The following NMRK1 variants were observed in gnomAD, a reference collection of about 807,000 sequenced individuals.
NMRK1 encodes the protein NRK 1.
NMRK1 carries 28 observed loss-of-function variants against 29.9 expected under a neutral mutation model. The observed-to-expected ratio is 0.94, with a 90% CI of 0.69 to 1.28. NMRK1 has a LOEUF of 1.28. Ranked by LOEUF, NMRK1 falls within the 50% of genes most tolerant of loss-of-function variation. The pLI, the probability that NMRK1 is intolerant of heterozygous loss-of-function variation, is 0.00. For synonymous variants in NMRK1, 58 were observed against 73.0 expected, an observed-to-expected ratio of 0.79 and a Z score of 1.05; for missense variants, 218 against 233.1, an observed-to-expected ratio of 0.94 and a Z score of 0.42.
chr9:75,071,813 T>C (rs1195659675), intron 4 of NMRK1, among the ~76,000 whole-genome samples: 1 of 152,138 alleles, frequency 6.6e-6, no homozygotes, highest in Non-Finnish European at 1.5e-5. Flanking sequence ...TTCCACTGGG[T>C]TCTGCTGACA....
At position 75,069,995 on chromosome 9, in the gene NMRK1, A is replaced by T; in HGVS notation, c.217T>A (p.Trp73Arg). The change falls in exon 5 of 9, where the codon TGG becomes AGG. Residue 73 changes from tryptophan to arginine, a missense_variant. Transcript: ENST00000361092. Reference sequence around the variant, plus strand: ...ACAGAGTGTCTTGCGCTTTCCATCCAGCAGGAAATGGCTGACATCATTTTT... The same window carrying T: ...ACAGAGTGTCTTGCGCTTTCCATCCTGCAGGAAATGGCTGACATCATTTTT... ...MEKMMSAISC[W>R]MESARHSVVS... 6.2e-7 allele frequency: 1 copy of T among 1,613,742 alleles called. No homozygotes were observed. Among genetic ancestry groups the T allele is most frequent in the Non-Finnish European group, 8.5e-7 (1 of 1,179,854 alleles).
At chr9:75,080,878 A>G (rs1201160778) in intron 2 of NMRK1, among the ~76,000 whole-genome samples, 2 of 152,102 alleles carry the variant, frequency 1.3e-5, no homozygotes, top group African/African-American at 2.4e-5. Context: ...ATCTTCCACC[A>G]TGACTGTAAG....
chr9:75,086,929 C>CA lies in NMRK1; in HGVS notation c.-36+1078dup, dbSNP rs1386648797. Among the ~76,000 whole-genome samples, 15 of 127,204 alleles carry CA rather than the reference C, an allele frequency of 1.2e-4. No individual in the cohort carries two copies. In the Admixed American group the frequency reaches 1.2e-3, roughly 10 times the overall value. The allele number at this position is 127,204 out of a possible 152,430, so 83.5% of individuals were successfully genotyped here. A position where few individuals can be genotyped will look rare whatever the true frequency, so the allele number is the denominator to read the frequency against. The stretch of plus-strand genomic sequence containing the variant: ...CTGGGTTTTTTTTTTTTTTTTAAGA[C>CA]AGAGTCTCGCTCTGTTGCCAGGCTG... On this transcript the variant is annotated intron_variant, in intron 1 of 8. Coordinates refer to ENST00000361092, the MANE Select transcript of NMRK1 (RefSeq NM_017881.3).
chr9:75,069,107 C>G lies in NMRK1; in HGVS notation c.390-5G>C, dbSNP rs1460529017. Reference sequence around the variant, plus strand: ...GGAGGCTGATAGACCCTTGTACTATCAAAACACGTAGGAAACTTTATGTTG... The same window carrying G: ...GGAGGCTGATAGACCCTTGTACTATGAAAACACGTAGGAAACTTTATGTTG... On this transcript the variant is annotated splice_region_variant and splice_polypyrimidine_tract_variant and intron_variant, in intron 6 of 8. Coordinates refer to ENST00000361092, the MANE Select transcript of NMRK1 (RefSeq NM_017881.3). 1.9e-6 allele frequency: 3 copies of G among 1,594,314 alleles called. No individual in the cohort carries two copies. Among genetic ancestry groups the G allele is most frequent in the Non-Finnish European group, 2.6e-6 (3 of 1,163,558 alleles).
chr9:75,083,309 C>T, intron 1 of NMRK1, among the ~76,000 whole-genome samples, 159 bp from the exon 2 acceptor site: 1 of 152,212 alleles, frequency 6.6e-6, no homozygotes, highest in Non-Finnish European at 1.5e-5. Flanking sequence ...CACTGGCTTC[C>T]CCTGCTACCA....
rs776472890 is a variant in NMRK1 at position 75,060,861 on chromosome 9, ACACACACAC to A, written c.*678_*686del. 1.1e-4 allele frequency: 5 copies of A among 45,392 alleles called. No individual in the cohort carries two copies. In the East Asian group the frequency reaches 5.2e-3, roughly 47 times the overall value. 2.8% of individuals were successfully genotyped at this position (45,392 alleles called of 1,614,324 possible). A position where few individuals can be genotyped will look rare whatever the true frequency, so the allele number is the denominator to read the frequency against. On this transcript the variant is annotated 3_prime_UTR_variant, in exon 9 of 9. Coordinates refer to ENST00000361092, the MANE Select transcript of NMRK1 (RefSeq NM_017881.3). ...ATACAATGGTATTAGATACACGCCAACACACACACACACACACACACACACACACACACA... is the reference window on the plus strand; with the variant it reads ...ATACAATGGTATTAGATACACGCCAAACACACACACACACACACACACACA...
At chr9:75,066,633 G>A in intron 8 of NMRK1, 124 bp downstream of exon 8, 1 of 723,120 alleles carries the variant, frequency 1.4e-6, no homozygotes, top group East Asian at 2.5e-5. Context: ...TATCCTCAAA[G>A]CAAAGAATGG....
intron 6 of NMRK1, 94 bp from the exon 7 acceptor site, chr9:75,069,196 G>T: frequency 1.2e-6 from 1 of 855,928 alleles, no homozygotes; most frequent in Non-Finnish European, 1.9e-6. Flanking sequence ...ATCACTCAGA[G>T]GCTGAATCTA....
At chr9:75,064,592 C>G (rs41390549) in intron 8 of NMRK1, among the ~76,000 whole-genome samples, 20,952 of 152,114 alleles carry the variant, frequency 0.14, 1,801 homozygotes, top group Non-Finnish European at 0.19. Context: ...TAAAATGGTC[C>G]TGAAATTCCT....
At chr9:75,078,563 T>A in intron 2 of NMRK1, 8 of 1,280,244 alleles carry the variant, frequency 6.2e-6, no homozygotes, top group Non-Finnish European at 7.9e-6. Context: ...TGAAAGCGTG[T>A]TTTAACCTGG....
chr9:75,077,089 G>T, intron 4 of NMRK1, 70 bp downstream of exon 4: 1 of 925,686 alleles, frequency 1.1e-6, no homozygotes, highest in Non-Finnish European at 1.7e-6. Context: ...CTTCAACATA[G>T]TGAAGTTCTT....
intron 4 of NMRK1, 26 bp downstream of exon 4, chr9:75,077,130 TATA>T (rs1824037401): frequency 3.8e-6 from 5 of 1,324,250 alleles, no homozygotes; most frequent in Non-Finnish European, 5.4e-6. Flanking sequence ...AACATAAGCA[TATA>T]ATATTTGACA....
chr9:75,078,093 G>C (rs1353701685), intron 2 of NMRK1, among the ~76,000 whole-genome samples: 1 of 152,100 alleles, frequency 6.6e-6, no homozygotes, highest in Non-Finnish European at 1.5e-5. Flanking sequence ...GAAGGAGAAA[G>C]GTAACTACCA....
At chr9:75,086,066 GCC>G (rs1455189923) in intron 1 of NMRK1, among the ~76,000 whole-genome samples, 1 of 151,794 alleles carries the variant, frequency 6.6e-6, no homozygotes, top group Non-Finnish European at 1.5e-5. Flanking sequence ...CTATTTCATT[GCC>G]TGTTGCCCCT....
At chr9:75,078,261 A>G in intron 2 of NMRK1, 1 of 1,547,090 alleles carries the variant, frequency 6.5e-7, no homozygotes, top group Non-Finnish European at 8.7e-7. Flanking sequence ...GCATATGGTC[A>G]CTGTGATTTT....
chr9:75,063,854 T>C (rs1230986792), intron 8 of NMRK1, among the ~76,000 whole-genome samples: 4 of 152,170 alleles, frequency 2.6e-5, no homozygotes, highest in Non-Finnish European at 2.9e-5. Context: ...GGAAAGGTGA[T>C]AGGTTACTAG....
chr9:75,077,761 G>GGGC (rs1564137066), intron 2 of NMRK1, among the ~76,000 whole-genome samples, 181 bp from the exon 3 acceptor site: 25 of 151,892 alleles, frequency 1.6e-4, no homozygotes, highest in Middle Eastern at 3.4e-3. Flanking sequence ...TCAGCCTCCC[G>GGGC]AGGAGCTGGG....
chr9:75,077,310 C>G, intron 3 of NMRK1, 103 bp from the exon 4 acceptor site: 1 of 935,270 alleles, frequency 1.1e-6, no homozygotes, highest in Non-Finnish European at 1.7e-6. Flanking sequence ...TTTGGATGAT[C>G]AAAGAAAGAT....
At chr9:75,066,291 T>C (rs1158964976) in intron 8 of NMRK1, 1 of 518,326 alleles carries the variant, frequency 1.9e-6, no homozygotes, top group Admixed American at 1.9e-5. Flanking sequence ...TGCCGTCCAA[T>C]ATGAAAACCT....
Sources: allele counts gnomAD v4.1 joint callset (sites outside exome capture counted in the v4.1 genomes callset), GRCh38; gene constraint gnomAD v4.1.1; transcripts MANE v1.5; gene names NCBI Gene and HGNC (gene_info 2026-07-23, HGNC 2026-07-21).